The following DLG2 variants were observed in gnomAD, a reference collection of about 807,000 sequenced individuals.
The protein encoded by DLG2 is discs large MAGUK scaffold protein 2, also known as disks large homolog 2.
In DLG2, 45 loss-of-function variants were observed where a neutral mutation model predicts 132.5. That is an observed-to-expected ratio of 0.34 (90% CI 0.27 to 0.44). The LOEUF is 0.44. Among genes scored for constraint, DLG2 ranks in the 20% least tolerant of loss-of-function variants. The pLI, the probability that DLG2 is intolerant of heterozygous loss-of-function variation, is 1.00. For missense variants in DLG2, 1,045 were observed against 1,196.9 expected (o/e 0.87, Z 1.87); for synonymous variants, 424 against 419.6 (o/e 1.01, Z -0.13).
intron 11 of DLG2, among the ~76,000 whole-genome samples, chr11:84,047,136 G>A (rs1411142393): frequency 6.6e-6 from 1 of 151,490 alleles, no homozygotes. Flanking sequence ...TTTCAGTTTA[G>A]GTAAATGCCA....
intron 7 of DLG2, among the ~76,000 whole-genome samples, chr11:84,510,123 T>TATTATG (rs1554982195): frequency 1.1e-4 from 16 of 147,454 alleles, no homozygotes; most frequent in African/African-American, 3.7e-4. Context: ...TTATTATTAT[T>TATTATG]ATGTTAATCA....
intron 3 of DLG2, among the ~76,000 whole-genome samples, chr11:85,352,155 T>G (rs931122119): frequency 1.3e-5 from 2 of 152,128 alleles, no homozygotes; most frequent in Admixed American, 6.5e-5. Context: ...TATGTGTCCA[T>G]GAATTTATCC....
At chr11:83,693,951 G>A (rs1326876506) in intron 18 of DLG2, 3 of 152,142 alleles carry the variant, frequency 2.0e-5, no homozygotes, top group Admixed American at 1.3e-4. Flanking sequence ...AACCCAAAGG[G>A]CATGTAAAAT....
Position 84,709,193 on chromosome 11 carries a change from C to A in DLG2, c.358-174462G>T, listed in dbSNP as rs554107436. On this transcript the variant is annotated intron_variant, in intron 6 of 27. Coordinates refer to ENST00000376104, the MANE Select transcript of DLG2 (RefSeq NM_001142699.3). ...AATATGCTAGAGATGATAAATGAAA[C>A]CTTATCTAGCAAAGTGATGGCACTT... 1.4e-4 allele frequency among the ~76,000 whole-genome samples: 22 copies of A among 151,928 alleles called. 1 individual carries two copies. The South Asian group carries it at 3.7e-3, about 26-fold the overall frequency.
chr11:83,688,614 C>A (rs1445220982), intron 18 of DLG2, among the ~76,000 whole-genome samples: 1 of 151,990 alleles, frequency 6.6e-6, no homozygotes, highest in Admixed American at 6.6e-5. Flanking sequence ...TTTATGAATT[C>A]GTGTTCATGA....
chr11:84,172,883 T>C lies in DLG2; in HGVS notation c.574-9372A>G, dbSNP rs2095856633. On this transcript the variant is annotated intron_variant, in intron 8 of 27. Coordinates refer to ENST00000376104, the MANE Select transcript of DLG2 (RefSeq NM_001142699.3). ...TTTAAAAAATTATCTGCCTTTGTTA[T>C]GAAGTATTTATAACACACGCAACTT... 4.6e-5 allele frequency among the ~76,000 whole-genome samples: 7 copies of C among 152,250 alleles called. No homozygotes were observed. The South Asian group carries it at 1.2e-3, about 27-fold the overall frequency.
chr11:85,018,194 G>C (rs980276337), intron 6 of DLG2, among the ~76,000 whole-genome samples: 2 of 152,094 alleles, frequency 1.3e-5, no homozygotes, highest in African/African-American at 4.8e-5. Context: ...ATGAGCAAAA[G>C]TATAACAAAA....
intron 3 of DLG2, among the ~76,000 whole-genome samples, chr11:85,452,044 TA>T (rs1359796963): frequency 6.6e-6 from 1 of 152,140 alleles, no homozygotes; most frequent in Non-Finnish European, 1.5e-5. Flanking sequence ...AAATTAACTT[TA>T]AAAGCAAATC....
At chr11:83,478,023 A>AATCT (rs1174650485) in intron 22 of DLG2, among the ~76,000 whole-genome samples, 4 of 152,068 alleles carry the variant, frequency 2.6e-5, no homozygotes, top group Admixed American at 2.6e-4. Flanking sequence ...GCCAGACATC[A>AATCT]ATCTATCTTA....
chr11:84,749,527 A>G (rs1422676032), intron 6 of DLG2, among the ~76,000 whole-genome samples: 1 of 152,194 alleles, frequency 6.6e-6, no homozygotes, highest in Non-Finnish European at 1.5e-5. Context: ...GCAGTATAGT[A>G]ACATGCTGCA....
chr11:83,862,207 G>A (rs997806792), intron 16 of DLG2, among the ~76,000 whole-genome samples: 8 of 152,032 alleles, frequency 5.3e-5, no homozygotes, highest in East Asian at 1.9e-4. Context: ...ACCAACAAAC[G>A]AGAATGGATA....
intron 7 of DLG2, among the ~76,000 whole-genome samples, chr11:84,369,090 C>T (rs1168525029): frequency 6.6e-6 from 1 of 151,974 alleles, no homozygotes; most frequent in Non-Finnish European, 1.5e-5. Context: ...AATTTGATTG[C>T]TCCAAAATTT....
intron 7 of DLG2, among the ~76,000 whole-genome samples, chr11:84,506,357 G>C (rs1267910058): frequency 6.6e-6 from 1 of 151,892 alleles, no homozygotes; most frequent in Non-Finnish European, 1.5e-5. Flanking sequence ...TTACAGGCGT[G>C]AGCCACCGCG....
At chr11:84,171,374 T>C (rs539720950) in intron 8 of DLG2, among the ~76,000 whole-genome samples, 1 of 152,252 alleles carries the variant, frequency 6.6e-6, no homozygotes, top group South Asian at 2.1e-4. Flanking sequence ...TATTGGGTAA[T>C]TTCTTATCCC....
chr11:84,408,302 A>G (rs185220102), intron 7 of DLG2, among the ~76,000 whole-genome samples: 88 of 151,590 alleles, frequency 5.8e-4, no homozygotes, highest in African/African-American at 2.0e-3. Flanking sequence ...TATATGCCCA[A>G]TATTTTTGTC....
chr11:83,649,615 C>T (rs1356124662), intron 18 of DLG2, among the ~76,000 whole-genome samples: 1 of 152,028 alleles, frequency 6.6e-6, no homozygotes, highest in Non-Finnish European at 1.5e-5. Flanking sequence ...TATCTAATTC[C>T]CTTACTTCCC....
chr11:84,943,106 T>A (rs1160817841), intron 6 of DLG2, among the ~76,000 whole-genome samples: 1 of 152,006 alleles, frequency 6.6e-6, no homozygotes, highest in East Asian at 1.9e-4. Flanking sequence ...AATCCATGTG[T>A]GTTTTATAGG....
intron 8 of DLG2, among the ~76,000 whole-genome samples, chr11:84,167,396 G>A (rs1020802076): frequency 6.6e-6 from 1 of 151,980 alleles, no homozygotes; most frequent in Admixed American, 6.5e-5. Flanking sequence ...TTAAATATTT[G>A]TTTTTCTCCA....
chr11:85,480,640 T>A (rs762797004), intron 3 of DLG2, among the ~76,000 whole-genome samples: 6 of 152,178 alleles, frequency 3.9e-5, no homozygotes, highest in African/African-American at 9.7e-5. Flanking sequence ...ATGTTAACTA[T>A]TTTTCCACCA....
Sources: gnomAD v4.1 joint callset for allele counts (sites outside exome capture counted in the v4.1 genomes callset) on GRCh38, gnomAD v4.1.1 for gene constraint, MANE v1.5 for transcripts, NCBI Gene and HGNC (gene_info 2026-07-23, HGNC 2026-07-21) for gene names.